Variants in PDE4D observed in about 807,000 individuals in gnomAD.
The protein encoded by PDE4D is 3',5'-cyclic-AMP phosphodiesterase 4D.
In PDE4D, 24 loss-of-function variants were observed where a neutral mutation model predicts 87.4. The observed-to-expected ratio is 0.27, with a 90% CI of 0.20 to 0.39. The LOEUF is 0.39. PDE4D is among the 10% of genes least tolerant of loss of function. The pLI is 1.00. For synonymous variants in PDE4D, 384 were observed against 383.2 expected (o/e 1.00, Z -0.02); for missense variants, 714 against 1,041.0 (o/e 0.69, Z 4.32).
At chr5:59,531,520 T>G (rs1486617829) in intron 1 of PDE4D, among the ~76,000 whole-genome samples, 1 of 152,352 alleles carries the variant, frequency 6.6e-6, no homozygotes, top group East Asian at 1.9e-4. Context: ...TTTATAGTTC[T>G]GTAGGTCAGA....
At chr5:59,441,377 G>A (rs569549402) in intron 1 of PDE4D, among the ~76,000 whole-genome samples, 4 of 152,332 alleles carry the variant, frequency 2.6e-5, no homozygotes, top group Admixed American at 1.3e-4. Context: ...GATTACAGGC[G>A]TGAGCCACTG....
intron 1 of PDE4D, among the ~76,000 whole-genome samples, chr5:59,633,714 G>A (rs1367212535): frequency 6.6e-6 from 1 of 152,116 alleles, no homozygotes; most frequent in African/African-American, 2.4e-5. Context: ...CACCAGGCCT[G>A]CCTTACAAGA....
chr5:59,861,535 G>A (rs929332158), intron 1 of PDE4D, among the ~76,000 whole-genome samples: 1 of 152,144 alleles, frequency 6.6e-6, no homozygotes, highest in Non-Finnish European at 1.5e-5. Flanking sequence ...GAAACAATGG[G>A]AAAACAATCA....
intron 5 of PDE4D, among the ~76,000 whole-genome samples, chr5:59,050,627 T>A (rs555034038): frequency 6.6e-6 from 1 of 152,348 alleles, no homozygotes; most frequent in East Asian, 1.9e-4. Flanking sequence ...AAAGTTATTA[T>A]ACACACAGAA....
chr5:59,553,182 T>C (rs1326337138), intron 1 of PDE4D, among the ~76,000 whole-genome samples: 1 of 152,170 alleles, frequency 6.6e-6, no homozygotes, highest in Non-Finnish European at 1.5e-5. Flanking sequence ...TCTCTCTCCC[T>C]TTCCGTATGT....
At chr5:59,521,434 T>C (rs1812223625) in intron 1 of PDE4D, among the ~76,000 whole-genome samples, 1 of 152,210 alleles carries the variant, frequency 6.6e-6, no homozygotes, top group Non-Finnish European at 1.5e-5. Context: ...CAGCTATTTT[T>C]GCAGGTAAAA....
chr5:60,356,906 A>G (rs1759669231), intron 1 of PDE4D, among the ~76,000 whole-genome samples: 1 of 152,156 alleles, frequency 6.6e-6, no homozygotes, highest in African/African-American at 2.4e-5. Flanking sequence ...CTGTAGCTCT[A>G]TTACTGCTAT....
intron 1 of PDE4D, among the ~76,000 whole-genome samples, chr5:60,324,566 AAGCAG>A (rs1290177279): frequency 6.6e-6 from 1 of 152,254 alleles, no homozygotes; most frequent in East Asian, 1.9e-4. Flanking sequence ...TGAACCCAGG[AAGCAG>A]AGGTTGCAGT....
intron 4 of PDE4D, among the ~76,000 whole-genome samples, chr5:59,181,054 C>T (rs1284398510): frequency 6.6e-6 from 1 of 152,106 alleles, no homozygotes; most frequent in African/African-American, 2.4e-5. Flanking sequence ...CTCGTGATTG[C>T]CTGTACATTA....
chr5:59,292,608 T>G (rs1182356985), intron 1 of PDE4D, among the ~76,000 whole-genome samples: 1 of 152,204 alleles, frequency 6.6e-6, no homozygotes, highest in Non-Finnish European at 1.5e-5. Context: ...AGCACATAAG[T>G]TTTTTTAATT....
intron 6 of PDE4D, among the ~76,000 whole-genome samples, chr5:59,037,371 G>A (rs1024883228): frequency 2.0e-5 from 3 of 152,114 alleles, no homozygotes; most frequent in African/African-American, 7.2e-5. Context: ...CAGGCCCATG[G>A]CAAAGTGCTC....
At chr5:59,673,802 T>C (rs1747619533) in intron 1 of PDE4D, among the ~76,000 whole-genome samples, 1 of 152,210 alleles carries the variant, frequency 6.6e-6, no homozygotes, top group South Asian at 2.1e-4. Flanking sequence ...GCATGGTCAT[T>C]ATTAAACATA....
At chr5:59,035,740 T>G (rs1360161865) in intron 6 of PDE4D, among the ~76,000 whole-genome samples, 1 of 152,164 alleles carries the variant, frequency 6.6e-6, no homozygotes, top group African/African-American at 2.4e-5. Flanking sequence ...AAAACCATAA[T>G]TCAACTTCCA....
chr5:60,096,451 G>A (rs768920426), intron 2 of PDE4D, among the ~76,000 whole-genome samples: 6 of 151,784 alleles, frequency 4.0e-5, no homozygotes, highest in Non-Finnish European at 5.9e-5. Flanking sequence ...TTTCACAGAT[G>A]GAATCTCCAA....
intron 1 of PDE4D, among the ~76,000 whole-genome samples, chr5:59,746,678 A>T (rs1360403575): frequency 6.6e-6 from 1 of 151,960 alleles, no homozygotes. Flanking sequence ...GTCTGTCATC[A>T]GCAAAATCTC....
At chr5:59,683,698 C>A (rs1418158063) in intron 1 of PDE4D, among the ~76,000 whole-genome samples, 2 of 152,098 alleles carry the variant, frequency 1.3e-5, no homozygotes, top group African/African-American at 4.8e-5. Flanking sequence ...TGGCCTTATG[C>A]CCTATATTTT....
At chr5:59,382,338 G>T (rs1481220437) in intron 1 of PDE4D, among the ~76,000 whole-genome samples, 1 of 151,916 alleles carries the variant, frequency 6.6e-6, no homozygotes, top group Non-Finnish European at 1.5e-5. Context: ...AATGTTAAAA[G>T]CAATTAAAAT....
At chr5:59,390,728 G>A (rs1048528573) in intron 1 of PDE4D, among the ~76,000 whole-genome samples, 1 of 152,078 alleles carries the variant, frequency 6.6e-6, no homozygotes, top group Non-Finnish European at 1.5e-5. Flanking sequence ...GTATGAGAAG[G>A]AGGTAAGGGG....
chr5:59,618,373 G>T (rs1423862947), intron 1 of PDE4D, among the ~76,000 whole-genome samples: 2 of 152,086 alleles, frequency 1.3e-5, no homozygotes, highest in East Asian at 3.9e-4. Context: ...AGAAACAAAG[G>T]CTCAGAGACA....
Sources: gnomAD v4.1 joint callset for allele counts (sites outside exome capture counted in the v4.1 genomes callset) on GRCh38, gnomAD v4.1.1 for gene constraint, MANE v1.5 for transcripts, NCBI Gene and HGNC (gene_info 2026-07-23, HGNC 2026-07-21) for gene names.